Variants in ATRN observed in about 807,000 individuals in gnomAD.
The protein encoded by ATRN is attractin.
A neutral mutation model predicts 178.7 loss-of-function variants in ATRN; 54 were observed. The ratio of observed to expected loss-of-function variants is 0.30; its 90% CI spans 0.24 to 0.38. ATRN has a LOEUF of 0.38. Among genes scored for constraint, ATRN ranks in the 10% least tolerant of loss-of-function variants. The pLI, the probability that ATRN is intolerant of heterozygous loss-of-function variation, is 1.00. For synonymous variants in ATRN, 636 were observed against 663.0 expected, an observed-to-expected ratio of 0.96 and a Z score of 0.63; for missense variants, 1,443 against 1,815.1, an observed-to-expected ratio of 0.79 and a Z score of 3.73.
intron 5 of ATRN, among the ~76,000 whole-genome samples, chr20:3,548,685 G>T (rs942011922): frequency 6.6e-6 from 1 of 151,852 alleles, no homozygotes; most frequent in Admixed American, 6.6e-5. Context: ...ATTGTGTTAA[G>T]TATTATAAGT....
intron 9 of ATRN, 145 bp from the exon 10 acceptor site, chr20:3,563,064 A>T: frequency 1.5e-6 from 1 of 682,322 alleles, no homozygotes. Flanking sequence ...ATTGTTGAAA[A>T]ACTTACTTTT....
chr20:3,503,695 C>G (rs887862604), intron 1 of ATRN, among the ~76,000 whole-genome samples: 1 of 151,878 alleles, frequency 6.6e-6, no homozygotes, highest in Non-Finnish European at 1.5e-5. Flanking sequence ...AGAAAGCAAA[C>G]TGCAAAAAAA....
At chr20:3,471,586 C>T (rs975646946) in intron 1 of ATRN, 69 bp downstream of exon 1, 3 of 1,357,490 alleles carry the variant, frequency 2.2e-6, no homozygotes, top group African/African-American at 1.5e-5. Context: ...TTCGAGACGG[C>T]TCCAGGTCAG....
At chr20:3,548,376 G>A (rs1189982466) in intron 5 of ATRN, among the ~76,000 whole-genome samples, 6 of 152,072 alleles carry the variant, frequency 3.9e-5, no homozygotes, top group African/African-American at 9.7e-5. Flanking sequence ...CAAGGCAGGC[G>A]GCTCACTGAG....
rs758792811 is a variant in ATRN, at chr20:3,582,220, A to G, written c.2630A>G (p.Asn877Ser). ...TGGGAAGATATGTCCCCATTTACAA[A>G]TAGTTTACTACAGTGGATGCCGTCT... ...WCWEDMSPFT[N>S]SLLQWMPSEP... is the part of the protein sequence containing the mutation. Residue 877 changes from asparagine to serine, a missense_variant, in exon 16 of 29, where the codon AAT becomes AGT. Physicochemically the swap from Asn to Ser is conservative, Grantham distance 46 (BLOSUM62 1). Transcript: ENST00000262919. 2 of 1,614,024 alleles carry G rather than the reference A, an allele frequency of 1.2e-6. No homozygotes were observed. The highest frequency in any genetic ancestry group is 1.3e-5 in the African/African-American group (1 of 74,916).
At chr20:3,488,892 A>T (rs1219447849) in intron 1 of ATRN, among the ~76,000 whole-genome samples, 1 of 152,150 alleles carries the variant, frequency 6.6e-6, no homozygotes, top group Non-Finnish European at 1.5e-5. Flanking sequence ...ATTTGTCTTA[A>T]TGCTTTATAA....
At chr20:3,566,832 A>G (rs1454410988) in intron 11 of ATRN, among the ~76,000 whole-genome samples, 2 of 145,522 alleles carry the variant, frequency 1.4e-5, no homozygotes, top group East Asian at 2.1e-4. Flanking sequence ...ACTTGAACCC[A>G]GGAGGCGGAA....
At position 3,572,755 on chromosome 20, in the gene ATRN, C is replaced by T; in HGVS notation, c.1896C>T (p.Phe632=). ...GCACCATGTATGTGTTCGGTGGTTT[C>T]AATAGTCTCCTCCTCAGCGACATCC... The part of the protein sequence containing the change: ...HNSTMYVFGG[F]NSLLLSDILV... The change falls in exon 12 of 29, where the codon TTC becomes TTT. Residue 632 remains phenylalanine, a synonymous_variant. Transcript: ENST00000262919. 6.2e-7 allele frequency: 1 copy of T among 1,613,876 alleles called. No homozygotes were observed. The highest frequency in any genetic ancestry group is 1.1e-5 in the South Asian group (1 of 91,068).
chr20:3,500,345 A>G (rs1430924212), intron 1 of ATRN, among the ~76,000 whole-genome samples: 3 of 152,184 alleles, frequency 2.0e-5, no homozygotes, highest in Non-Finnish European at 4.4e-5. Flanking sequence ...TATATACCCA[A>G]AGGACTATAT....
chr20:3,585,858 A>G (rs112033190), intron 18 of ATRN, among the ~76,000 whole-genome samples: 26 of 152,344 alleles, frequency 1.7e-4, no homozygotes, highest in African/African-American at 6.3e-4. Flanking sequence ...ATCATTCATC[A>G]TTACCAAGAA....
chr20:3,476,259 G>A (rs1251812537), intron 1 of ATRN, among the ~76,000 whole-genome samples: 1 of 152,182 alleles, frequency 6.6e-6, no homozygotes, highest in Non-Finnish European at 1.5e-5. Context: ...AGTAAACTTG[G>A]ATGTACTGAA....
Position 3,628,840 on chromosome 20 carries a change from C to T in ATRN, c.3863+4268C>T, listed in dbSNP as rs1405566824. On this transcript the variant is annotated intron_variant, in intron 25 of 28. Coordinates refer to ENST00000262919, the MANE Select transcript of ATRN (RefSeq NM_139321.3). ...GACCCATGCTGCCCTACTGCTGCTT[C>T]TTAGCCTGCCTATTATGCAATCTTT... 7 of 969,954 alleles carry T rather than the reference C, an allele frequency of 7.2e-6. No individual in the cohort carries two copies. In the East Asian group the frequency reaches 6.9e-4, roughly 95 times the overall value. 60.1% of individuals were successfully genotyped at this position (969,954 alleles called of 1,614,324 possible). A position where few individuals can be genotyped will look rare whatever the true frequency, so the allele number is the denominator to read the frequency against.
Position 3,526,149 on chromosome 20 carries a change from C to A in ATRN, c.411-9104C>A, listed in dbSNP as rs184383660. On this transcript the variant is annotated intron_variant, in intron 1 of 28. Transcript: ENST00000262919. ...ATGACATGATTGTATATTTAGAAAG[C>A]CCCATCGTCTCAGCCCCAAATCTCC... is the stretch of plus-strand genomic sequence containing the variant. Among the ~76,000 whole-genome samples, 523 of 152,272 alleles carry A rather than the reference C, an allele frequency of 3.4e-3. 3 individuals carry two copies. The highest frequency in any genetic ancestry group is 0.012 in the African/African-American group (482 of 41,550).
In ATRN at chr20:3,591,154, C is replaced by T. The variant is rs75593744; in HGVS notation, c.3185-15C>T. ...CTTCCATGGTACAGACCCCTTGAAACTCTTTTTCTTGCAGCTTGCCAATGC... is the reference window on the plus strand; with the variant it reads ...CTTCCATGGTACAGACCCCTTGAAATTCTTTTTCTTGCAGCTTGCCAATGC... On this transcript the variant is annotated splice_polypyrimidine_tract_variant and intron_variant, in intron 18 of 28. Transcript: ENST00000262919. 57 of 1,613,436 alleles carry T rather than the reference C, an allele frequency of 3.5e-5. No homozygotes were observed. In the East Asian group the frequency reaches 1.2e-3, roughly 35 times the overall value.
At chr20:3,541,510 T>C (rs958474445) in intron 3 of ATRN, among the ~76,000 whole-genome samples, 3 of 152,236 alleles carry the variant, frequency 2.0e-5, no homozygotes, top group Non-Finnish European at 2.9e-5. Flanking sequence ...TAGCCTACTG[T>C]ACACCCTGCT....
At chr20:3,473,045 G>T (rs1379739629) in intron 1 of ATRN, among the ~76,000 whole-genome samples, 2 of 152,202 alleles carry the variant, frequency 1.3e-5, no homozygotes, top group Non-Finnish European at 1.5e-5. Context: ...CTGATGCAGT[G>T]AAGCTGCTTT....
intron 1 of ATRN, among the ~76,000 whole-genome samples, chr20:3,488,946 ATGTTTGTT>A (rs554679143): frequency 2.7e-4 from 41 of 151,798 alleles, no homozygotes; most frequent in African/African-American, 6.0e-4. Flanking sequence ...AAGATATTTG[ATGTTTGTT>A]TGTTTGTTTG....
chr20:3,496,789 G>A (rs889073169), intron 1 of ATRN, among the ~76,000 whole-genome samples: 2 of 151,658 alleles, frequency 1.3e-5, no homozygotes, highest in Non-Finnish European at 2.9e-5. Flanking sequence ...TTAATGTGTG[G>A]GAGTCTAAGT....
intron 19 of ATRN, among the ~76,000 whole-genome samples, chr20:3,591,625 G>A (rs530581891): frequency 6.6e-6 from 1 of 152,278 alleles, no homozygotes; most frequent in South Asian, 2.1e-4. Context: ...CAGGTCAATA[G>A]TCAGAGGGAT....
Sources: gnomAD v4.1 joint callset for allele counts (sites outside exome capture counted in the v4.1 genomes callset) on GRCh38, gnomAD v4.1.1 for gene constraint, MANE v1.5 for transcripts, NCBI Gene and HGNC (gene_info 2026-07-23, HGNC 2026-07-21) for gene names.